Variants in CUL1 observed in about 807,000 individuals in gnomAD.
The protein encoded by CUL1 is cullin-1.
CUL1 carries 24 observed loss-of-function variants against 118.0 expected under a neutral mutation model. The observed-to-expected ratio is 0.20, with a 90% CI of 0.15 to 0.29. The LOEUF is 0.29. Among genes scored for constraint, CUL1 ranks in the 10% least tolerant of loss-of-function variants. The pLI, the probability that CUL1 is intolerant of heterozygous loss-of-function variation, is 1.00. For synonymous variants in CUL1, 332 were observed against 340.4 expected (o/e 0.98, Z 0.27); for missense variants, 361 against 933.8 (o/e 0.39, Z 7.99).
chr7:148,781,188 C>T (rs534493826), intron 9 of CUL1, among the ~76,000 whole-genome samples: 12 of 141,986 alleles, frequency 8.5e-5, no homozygotes, highest in African/African-American at 3.1e-4. Flanking sequence ...TCAAGCGATT[C>T]TCCTGCCTCA....
chr7:148,712,512 G>A (rs1282085560), intron 1 of CUL1, among the ~76,000 whole-genome samples: 1 of 152,132 alleles, frequency 6.6e-6, no homozygotes, highest in Non-Finnish European at 1.5e-5. Flanking sequence ...TTCAGGTAAC[G>A]TTAATTTACT....
intron 1 of CUL1, among the ~76,000 whole-genome samples, chr7:148,722,310 C>G (rs960925580): frequency 1.1e-4 from 16 of 152,190 alleles, no homozygotes; most frequent in African/African-American, 3.9e-4. Context: ...CTGCTACATC[C>G]TCGGATTGGG....
At chr7:148,710,882 G>T (rs1367397110) in intron 1 of CUL1, among the ~76,000 whole-genome samples, 1 of 152,106 alleles carries the variant, frequency 6.6e-6, no homozygotes. Flanking sequence ...TGGTCAGGCT[G>T]GTCTCGAACT....
chr7:148,753,243 A>G (rs1654186207), intron 2 of CUL1, among the ~76,000 whole-genome samples: 1 of 152,206 alleles, frequency 6.6e-6, no homozygotes, highest in Admixed American at 6.5e-5. Context: ...TTCTGAGTAT[A>G]AGTATCTTTC....
At chr7:148,763,891 C>T (rs1359571205) in intron 7 of CUL1, among the ~76,000 whole-genome samples, 1 of 152,188 alleles carries the variant, frequency 6.6e-6, no homozygotes, top group Non-Finnish European at 1.5e-5. Context: ...CAGTTGAGAG[C>T]AGTTCAAATT....
chr7:148,782,991 C>G (rs1800693024), intron 9 of CUL1, among the ~76,000 whole-genome samples: 1 of 152,126 alleles, frequency 6.6e-6, no homozygotes, highest in Admixed American at 6.5e-5. Context: ...GTTTCTACGT[C>G]TGTAGAATGG....
chr7:148,782,048 TTTCTAGCA>T lies in CUL1; in HGVS notation c.1084-1732_1084-1725del, dbSNP rs1352839715. Among the ~76,000 whole-genome samples, 7 of 152,160 alleles carry T rather than the reference TTTCTAGCA, an allele frequency of 4.6e-5. No homozygotes were observed. In the East Asian group the frequency reaches 1.2e-3, roughly 25 times the overall value. On this transcript the variant is annotated intron_variant, in intron 9 of 21. Coordinates refer to ENST00000325222, the MANE Select transcript of CUL1 (RefSeq NM_003592.3). ...CGTATTCGAAAACTACCCAATAGCG[TTTCTAGCA>T]TTTTCCAGTGTTTGAATCCTCGCTG... is the stretch of plus-strand genomic sequence containing the variant.
At chr7:148,797,742 T>G in intron 17 of CUL1, 70 bp from the exon 18 acceptor site, 1 of 1,101,640 alleles carries the variant, frequency 9.1e-7, no homozygotes, top group Non-Finnish European at 1.4e-6. Flanking sequence ...ACTGTGAGGT[T>G]GCCTGTGGTG....
chr7:148,790,772 C>A (rs933280449), intron 16 of CUL1, among the ~76,000 whole-genome samples: 1 of 152,174 alleles, frequency 6.6e-6, no homozygotes, highest in Non-Finnish European at 1.5e-5. Context: ...ATCAGCTGTT[C>A]AGGTAGTGAC....
At chr7:148,780,373 G>A (rs973157244) in intron 9 of CUL1, among the ~76,000 whole-genome samples, 4 of 152,192 alleles carry the variant, frequency 2.6e-5, no homozygotes, top group Non-Finnish European at 5.9e-5. Context: ...CTTTCTAATT[G>A]TGAATATATT....
At chr7:148,788,070 G>C (rs1016918611) in intron 13 of CUL1, among the ~76,000 whole-genome samples, 1 of 152,152 alleles carries the variant, frequency 6.6e-6, no homozygotes, top group Non-Finnish European at 1.5e-5. Context: ...CCACCTTCTT[G>C]CAGTGCCTCA....
intron 9 of CUL1, among the ~76,000 whole-genome samples, chr7:148,769,963 A>T (rs374052364): frequency 6.6e-5 from 10 of 152,232 alleles, no homozygotes; most frequent in African/African-American, 2.4e-4. Context: ...TTCCAAACCA[A>T]AGTAAGGTGC....
At chr7:148,740,058 C>CTT (rs200881202) in intron 2 of CUL1, among the ~76,000 whole-genome samples, 50 of 143,328 alleles carry the variant, frequency 3.5e-4, no homozygotes, top group South Asian at 8.8e-4. Flanking sequence ...TTTTTAATGG[C>CTT]TTTTTTTTTT....
chr7:148,764,032 T>C (rs1178508350), intron 7 of CUL1, among the ~76,000 whole-genome samples: 2 of 152,240 alleles, frequency 1.3e-5, no homozygotes, highest in Non-Finnish European at 2.9e-5. Flanking sequence ...TTTGACTGTC[T>C]CATGCGATTG....
intron 7 of CUL1, among the ~76,000 whole-genome samples, chr7:148,764,825 C>T (rs1399535914): frequency 6.6e-6 from 1 of 152,166 alleles, no homozygotes; most frequent in African/African-American, 2.4e-5. Context: ...CATAAACCTA[C>T]AAGCCTGGGG....
chr7:148,704,328 G>T (rs1301627265), intron 1 of CUL1, among the ~76,000 whole-genome samples: 1 of 152,120 alleles, frequency 6.6e-6, no homozygotes, highest in Non-Finnish European at 1.5e-5. Context: ...ACTACTTATG[G>T]TGAAGGTATG....
chr7:148,798,758 C>A, intron 20 of CUL1, 81 bp downstream of exon 20: 1 of 1,153,030 alleles, frequency 8.7e-7, no homozygotes, highest in Non-Finnish European at 1.3e-6. Context: ...GGGGGGTAGG[C>A]GGGGGTGACA....
chr7:148,789,165 A>T (rs190211195), intron 14 of CUL1, among the ~76,000 whole-genome samples: 284 of 152,328 alleles, frequency 1.9e-3, no homozygotes, highest in African/African-American at 6.6e-3. Flanking sequence ...TCTTTTGATC[A>T]TCTTTGTCTT....
At chr7:148,724,280 T>C (rs1351963159) in intron 1 of CUL1, among the ~76,000 whole-genome samples, 1 of 152,234 alleles carries the variant, frequency 6.6e-6, no homozygotes, top group Non-Finnish European at 1.5e-5. Flanking sequence ...TTCATATTGA[T>C]TCTGTTGGCT....
Sources: allele counts gnomAD v4.1 joint callset (sites outside exome capture counted in the v4.1 genomes callset), GRCh38; gene constraint gnomAD v4.1.1; transcripts MANE v1.5; gene names NCBI Gene and HGNC (gene_info 2026-07-23, HGNC 2026-07-21).